RGS10: variants seen among roughly 807,000 people sequenced by gnomAD.
RGS10 encodes regulator of G protein signaling 10.
RGS10 carries 11 observed loss-of-function variants against 23.5 expected under a neutral mutation model. The ratio of observed to expected loss-of-function variants is 0.47; its 90% CI spans 0.29 to 0.77. The LOEUF is 0.77. RGS10 is among the 30% of genes least tolerant of loss of function. The pLI, the probability that RGS10 is intolerant of heterozygous loss-of-function variation, is 0.08. For missense variants in RGS10, 180 were observed against 226.3 expected (o/e 0.80, Z 1.31); for synonymous variants, 77 against 83.2 (o/e 0.92, Z 0.41).
intron 1 of RGS10, among the ~76,000 whole-genome samples, chr10:119,530,236 G>A (rs1367287910): frequency 6.6e-6 from 1 of 152,212 alleles, no homozygotes. Context: ...CTGTATCAGA[G>A]CACACTGGAC....
intron 1 of RGS10, among the ~76,000 whole-genome samples, chr10:119,529,613 A>T (rs946185198): frequency 6.6e-6 from 1 of 152,178 alleles, no homozygotes; most frequent in Admixed American, 6.5e-5. Flanking sequence ...CTAGCAGCAC[A>T]CTTGGGACAC....
At chr10:119,509,809 C>T (rs1447393006) in intron 4 of RGS10, among the ~76,000 whole-genome samples, 1 of 152,106 alleles carries the variant, frequency 6.6e-6, no homozygotes, top group Admixed American at 6.5e-5. Context: ...GAAACAGAAC[C>T]CTCCTGGGGT....
At chr10:119,513,302 A>T (rs1844098808) in intron 4 of RGS10, among the ~76,000 whole-genome samples, 1 of 152,048 alleles carries the variant, frequency 6.6e-6, no homozygotes, top group Admixed American at 6.6e-5. Context: ...TACAAAAAAA[A>T]TACAAAAATT....
intron 4 of RGS10, among the ~76,000 whole-genome samples, chr10:119,504,172 A>T (rs1843984042): frequency 6.6e-6 from 1 of 152,190 alleles, no homozygotes; most frequent in Admixed American, 6.5e-5. Context: ...AATGATCCCA[A>T]ATACGTTCTT....
chr10:119,509,073 C>T (rs1201744359), intron 4 of RGS10, among the ~76,000 whole-genome samples: 1 of 152,044 alleles, frequency 6.6e-6, no homozygotes, highest in African/African-American at 2.4e-5. Flanking sequence ...TGTATTCCAG[C>T]CTCGATGACA....
intron 3 of RGS10, among the ~76,000 whole-genome samples, chr10:119,525,792 G>C (rs1844266962): frequency 6.6e-6 from 1 of 152,214 alleles, no homozygotes; most frequent in South Asian, 2.1e-4. Context: ...GGAACTCTAA[G>C]TGACATAAAT....
At chr10:119,503,152 C>T (rs943545520) in intron 4 of RGS10, among the ~76,000 whole-genome samples, 5 of 151,828 alleles carry the variant, frequency 3.3e-5, no homozygotes, top group Admixed American at 6.6e-5. Context: ...CTGAGGCGGG[C>T]GGATAGCAAA....
At position 119,499,996 on chromosome 10, in the gene RGS10, T is replaced by G. The variant is rs1156253592; in HGVS notation, c.*117A>C. 1.9e-6 allele frequency: 2 copies of G among 1,026,114 alleles called. No homozygotes were observed. Among genetic ancestry groups the G allele is most frequent in the Non-Finnish European group, 2.8e-6 (2 of 715,954 alleles). The allele number at this position is 1,026,114 out of a possible 1,614,324, so 63.6% of individuals were successfully genotyped here. On this transcript the variant is annotated 3_prime_UTR_variant, in exon 5 of 5. Transcript: ENST00000369103. Reference sequence around the variant, plus strand: ...AGCAGTTAATAAAACACACATCCCATTGAAGGGTTTTGTACATTTCAGTCC... The same window carrying G: ...AGCAGTTAATAAAACACACATCCCAGTGAAGGGTTTTGTACATTTCAGTCC...
intron 4 of RGS10, among the ~76,000 whole-genome samples, chr10:119,506,239 C>T (rs1270610742): frequency 1.3e-5 from 2 of 152,222 alleles, no homozygotes; most frequent in Admixed American, 1.3e-4. Flanking sequence ...CAAGTGGGAA[C>T]GGGCTGCACC....
At chr10:119,530,981 T>G (rs1589841696) in intron 1 of RGS10, among the ~76,000 whole-genome samples, 1 of 152,246 alleles carries the variant, frequency 6.6e-6, no homozygotes. Context: ...ATGGAGCTGA[T>G]GCTTTTCTAA....
At chr10:119,506,652 T>C (rs1844016039) in intron 4 of RGS10, among the ~76,000 whole-genome samples, 1 of 152,178 alleles carries the variant, frequency 6.6e-6, no homozygotes, top group South Asian at 2.1e-4. Flanking sequence ...GAAGGGGAGT[T>C]GAATGCTCCT....
chr10:119,502,881 C>T (rs1320010783), intron 4 of RGS10, among the ~76,000 whole-genome samples: 2 of 152,288 alleles, frequency 1.3e-5, no homozygotes, highest in East Asian at 3.9e-4. Flanking sequence ...GGCTGTTGGA[C>T]CCAGACAGGC....
In RGS10 at chr10:119,517,513, C is replaced by G. The variant is rs1844160243; in HGVS notation, c.256-1861G>C. ...TGAAGCCACAGCCTCCCTCCACCAC[C>G]CCCATTCCGTCAGGAAGCAACCCTT... On this transcript the variant is annotated intron_variant, in intron 3 of 4. Transcript: ENST00000369103. This position sits in a 1 kb window ranked among gnomAD's most constrained non-coding sequence, Gnocchi z 5.0. 6.6e-6 allele frequency among the ~76,000 whole-genome samples: 1 copy of G among 152,226 alleles called. No homozygotes were observed. Among genetic ancestry groups the G allele is most frequent in the Non-Finnish European group, 1.5e-5 (1 of 68,040 alleles).
intron 3 of RGS10, among the ~76,000 whole-genome samples, chr10:119,522,004 G>A (rs1382876419): frequency 2.0e-5 from 3 of 152,166 alleles, no homozygotes; most frequent in Non-Finnish European, 4.4e-5. Flanking sequence ...AGTCATTCTC[G>A]TGTGCTGTTC....
At position 119,517,601 on chromosome 10, in the gene RGS10, A is replaced by G. The variant is rs1844161582; in HGVS notation, c.256-1949T>C. ...AAGGAGAATTTCGGCCAGGCAGATG[A>G]GCAAACTCCATGCAGAGGTCTGGGG... On this transcript the variant is annotated intron_variant, in intron 3 of 4. Transcript: ENST00000369103. This position sits in a 1 kb window ranked among gnomAD's most constrained non-coding sequence, Gnocchi z 5.0. Among the ~76,000 whole-genome samples the G allele has an allele frequency of 6.6e-6, 1 of 152,192 alleles. No homozygotes were observed. The highest frequency in any genetic ancestry group is 2.4e-5 in the African/African-American group (1 of 41,444).
chr10:119,540,830 C>A (rs562017938), intron 1 of RGS10, among the ~76,000 whole-genome samples: 2 of 152,194 alleles, frequency 1.3e-5, no homozygotes, highest in Non-Finnish European at 2.9e-5. Context: ...CTAATTATTA[C>A]ACTTTTATTA....
chr10:119,502,133 GA>G (rs147870396), intron 4 of RGS10, among the ~76,000 whole-genome samples: 105 of 146,216 alleles, frequency 7.2e-4, no homozygotes, highest in African/African-American at 2.5e-3. Flanking sequence ...GAGGTTTACA[GA>G]AAAAAAAAAC....
intron 1 of RGS10, among the ~76,000 whole-genome samples, chr10:119,532,252 C>T (rs1034594851): frequency 3.9e-5 from 6 of 152,178 alleles, no homozygotes; most frequent in Admixed American, 2.0e-4. Context: ...GATGAGACAG[C>T]ATTTGCAAAC....
chr10:119,542,453 A>G, intron 1 of RGS10, 137 bp downstream of exon 1: 1 of 591,552 alleles, frequency 1.7e-6, no homozygotes, highest in African/African-American at 2.0e-5. Flanking sequence ...CCCAGCGGGG[A>G]GAGGTGGTGC....
Sources: allele counts gnomAD v4.1 joint callset (sites outside exome capture counted in the v4.1 genomes callset), GRCh38; gene constraint gnomAD v4.1.1; non-coding constraint Gnocchi (gnomAD v3.1); transcripts MANE v1.5; gene names NCBI Gene and HGNC (gene_info 2026-07-23, HGNC 2026-07-21).